The following DNAJB1 variants were observed in gnomAD, a reference collection of about 807,000 sequenced individuals.
The protein encoded by DNAJB1 is DnaJ heat shock protein family (Hsp40) member B1.
In DNAJB1, 14 loss-of-function variants were observed where a neutral mutation model predicts 24.0. The ratio of observed to expected loss-of-function variants is 0.58; its 90% CI spans 0.39 to 0.91. The LOEUF (loss-of-function observed/expected upper bound fraction) is 0.91. Ranked by LOEUF, DNAJB1 falls within the 40% of genes least tolerant of loss-of-function variation. DNAJB1 has a pLI of 0.00. For synonymous variants in DNAJB1, 262 were observed against 174.4 expected (o/e 1.50, Z -3.96); for missense variants, 517 against 458.1 (o/e 1.13, Z -1.17).
At chr19:14,525,433 A>G (rs1006785516) in intron 2 of DNAJB1, among the ~76,000 whole-genome samples, 1 of 152,096 alleles carries the variant, frequency 6.6e-6, no homozygotes, top group African/African-American at 2.4e-5. Context: ...CAATGGATGA[A>G]TGGATAAACA....
At chr19:14,537,417 A>G (rs1230170628) in intron 1 of DNAJB1, among the ~76,000 whole-genome samples, 2 of 150,828 alleles carry the variant, frequency 1.3e-5, no homozygotes, top group Non-Finnish European at 3.0e-5. Context: ...AGCTGGGCCC[A>G]GCAAAGCCTT....
intron 1 of DNAJB1, among the ~76,000 whole-genome samples, chr19:14,540,063 A>AT (rs577605678): frequency 0.38 from 43,996 of 116,370 alleles, 7,657 homozygotes; most frequent in Middle Eastern, 0.5. Context: ...AATTTATTTA[A>AT]TTTTTTTTTT....
upstream of DNAJB1, chr19:14,529,675 G>T: frequency 6.2e-7 from 1 of 1,613,850 alleles, no homozygotes; most frequent in South Asian, 1.1e-5. Context: ...CCGCGGAGCA[G>T]TAGCCGCCGT....
At chr19:14,557,829 C>T (rs1023414081) in intron 1 of DNAJB1, among the ~76,000 whole-genome samples, 1 of 151,806 alleles carries the variant, frequency 6.6e-6, no homozygotes, top group Non-Finnish European at 1.5e-5. Context: ...GATCTCGGTT[C>T]ACTGCAAGCT....
intron 1 of DNAJB1, chr19:14,517,895 A>C (rs934759957): frequency 4.4e-5 from 17 of 388,222 alleles, no homozygotes; most frequent in African/African-American, 2.7e-4. Context: ...CCGCGGGAGG[A>C]GGCGCCCGGG....
intron 1 of DNAJB1, among the ~76,000 whole-genome samples, chr19:14,558,479 C>T (rs181682790): frequency 1.3e-5 from 2 of 152,300 alleles, no homozygotes; most frequent in East Asian, 1.9e-4. Context: ...CCTCGTGCTG[C>T]GACGAGTTGC....
chr19:14,549,857 C>T (rs1307648435), intron 1 of DNAJB1, among the ~76,000 whole-genome samples: 1 of 151,854 alleles, frequency 6.6e-6, no homozygotes, highest in Non-Finnish European at 1.5e-5. Context: ...GCAGGAGAAT[C>T]ACTGGAACTC....
At chr19:14,532,696 G>A (rs10408321), upstream of DNAJB1, among the ~76,000 whole-genome samples, 5,467 of 152,100 alleles carry the variant, frequency 0.036, 225 homozygotes, top group African/African-American at 0.095. Context: ...CCGGCCCAGC[G>A]GATTGCATAG....
chr19:14,535,779 G>GGA (rs2072878509), intron 1 of DNAJB1, among the ~76,000 whole-genome samples: 2 of 114,362 alleles, frequency 1.7e-5, no homozygotes, highest in Non-Finnish European at 3.9e-5. Flanking sequence ...AAAAAAAAAG[G>GGA]GAAAGTGGTG....
chr19:14,544,717 C>T (rs1157328404), intron 1 of DNAJB1, among the ~76,000 whole-genome samples: 1 of 150,842 alleles, frequency 6.6e-6, no homozygotes, highest in Non-Finnish European at 1.5e-5. Context: ...CCCTGCAACT[C>T]CAACTCCTGG....
intron 1 of DNAJB1, chr19:14,545,663 G>A (rs1002291485): frequency 4.9e-5 from 9 of 182,556 alleles, no homozygotes; most frequent in South Asian, 1.1e-4. Context: ...GGCACAGTCC[G>A]TGTTGGTTGC....
At chr19:14,549,058 A>AT (rs771786865) in intron 1 of DNAJB1, among the ~76,000 whole-genome samples, 2 of 151,924 alleles carry the variant, frequency 1.3e-5, no homozygotes, top group Non-Finnish European at 2.9e-5. Context: ...AACGTCATGT[A>AT]TTTTTTAAAA....
chr19:14,527,505 T>C (rs1453309925), intron 2 of DNAJB1: 1 of 152,138 alleles, frequency 6.6e-6, no homozygotes, highest in Non-Finnish European at 1.5e-5. Flanking sequence ...AAAGCACACA[T>C]ACAGAACACC....
At chr19:14,539,847 G>T (rs1353609760) in intron 1 of DNAJB1, among the ~76,000 whole-genome samples, 11 of 150,610 alleles carry the variant, frequency 7.3e-5, no homozygotes, top group Non-Finnish European at 1.2e-4. Context: ...CATCTCCTTC[G>T]CAGCCCATCT....
upstream of DNAJB1, among the ~76,000 whole-genome samples, chr19:14,520,058 A>C (rs762182335): frequency 9.2e-5 from 14 of 152,178 alleles, no homozygotes; most frequent in Non-Finnish European, 1.9e-4. Flanking sequence ...TGGGTTAGTT[A>C]CTAGGCCTTT....
chr19:14,531,558 A>G, upstream of DNAJB1: 1 of 151,280 alleles, frequency 6.6e-6, no homozygotes, highest in Non-Finnish European at 1.5e-5. Flanking sequence ...GAGTAGCCGG[A>G]ATTACAGTCA....
At chr19:14,522,276 G>A (rs541827908), upstream of DNAJB1, among the ~76,000 whole-genome samples, 1 of 152,076 alleles carries the variant, frequency 6.6e-6, no homozygotes, top group South Asian at 2.1e-4. Flanking sequence ...GACCCTCAAG[G>A]ATGTGAGGAT....
intron 1 of DNAJB1, chr19:14,529,040 G>C (rs2072508091): frequency 6.4e-6 from 1 of 156,758 alleles, no homozygotes; most frequent in Non-Finnish European, 1.4e-5. Flanking sequence ...GTTCTTGCAG[G>C]TTGGGGGTTC....
chr19:14,533,518 G>C (rs752390174), upstream of DNAJB1, among the ~76,000 whole-genome samples: 1 of 152,166 alleles, frequency 6.6e-6, no homozygotes, highest in Non-Finnish European at 1.5e-5. Context: ...CCCCTGGAGA[G>C]ACCTTGGAGA....
Sources: gnomAD v4.1 joint callset for allele counts (sites outside exome capture counted in the v4.1 genomes callset) on GRCh38, gnomAD v4.1.1 for gene constraint, MANE v1.5 for transcripts, NCBI Gene and HGNC (gene_info 2026-07-23, HGNC 2026-07-21) for gene names.